The following WWOX variants were observed in gnomAD, a reference collection of about 807,000 sequenced individuals.
WWOX encodes the protein WW domain-containing oxidoreductase.
Under a neutral mutation model 46.2 loss-of-function variants are expected in WWOX, and 69 were observed. The observed-to-expected ratio is 1.49, with a 90% CI of 1.23 to 1.82. WWOX has a LOEUF of 1.82. Ranked by LOEUF, WWOX falls within the 40% of genes most tolerant of loss-of-function variation. The pLI, the probability that WWOX is intolerant of heterozygous loss-of-function variation, is 0.00. For synonymous variants in WWOX, 359 were observed against 202.6 expected (o/e 1.77, Z -6.56); for missense variants, 919 against 542.6 (o/e 1.69, Z -6.89).
chr16:79,027,350 T>C (rs767781008), intron 8 of WWOX, among the ~76,000 whole-genome samples: 2 of 151,602 alleles, frequency 1.3e-5, no homozygotes, highest in Non-Finnish European at 2.9e-5. Flanking sequence ...GCAGAACTTT[T>C]CATTGCAAAA....
intron 8 of WWOX, among the ~76,000 whole-genome samples, chr16:79,201,681 C>T (rs1047746180): frequency 6.6e-6 from 1 of 152,126 alleles, no homozygotes; most frequent in African/African-American, 2.4e-5. Flanking sequence ...AGGTAATAGC[C>T]TCCTTCCTCT....
chr16:78,624,739 C>T (rs773384789), intron 8 of WWOX, among the ~76,000 whole-genome samples: 6 of 152,180 alleles, frequency 3.9e-5, no homozygotes, highest in Admixed American at 1.3e-4. Context: ...TGGAATTCTC[C>T]AGCACCCTGG....
intron 8 of WWOX, among the ~76,000 whole-genome samples, chr16:78,490,578 G>C (rs898075813): frequency 1.3e-5 from 2 of 152,186 alleles, no homozygotes; most frequent in African/African-American, 4.8e-5. Context: ...GGAGAAAGAA[G>C]ACAGGGCATT....
At chr16:79,006,084 G>C (rs996996008) in intron 8 of WWOX, among the ~76,000 whole-genome samples, 1 of 152,158 alleles carries the variant, frequency 6.6e-6, no homozygotes, top group African/African-American at 2.4e-5. Flanking sequence ...TGGTCACTGC[G>C]CTAGGGAAGT....
At chr16:79,039,162 A>G (rs562173321) in intron 8 of WWOX, among the ~76,000 whole-genome samples, 4 of 152,270 alleles carry the variant, frequency 2.6e-5, no homozygotes, top group African/African-American at 7.2e-5. Flanking sequence ...TTCTTTTTGC[A>G]GGTGATGCTC....
chr16:79,019,304 T>C (rs1401789370), intron 8 of WWOX, among the ~76,000 whole-genome samples: 1 of 151,666 alleles, frequency 6.6e-6, no homozygotes, highest in Non-Finnish European at 1.5e-5. Context: ...GGAGTGCACG[T>C]ACACAAACCT....
At chr16:79,088,360 A>C (rs950184198) in intron 8 of WWOX, among the ~76,000 whole-genome samples, 14 of 152,284 alleles carry the variant, frequency 9.2e-5, no homozygotes, top group Admixed American at 6.5e-4. Context: ...GGAATTTTGC[A>C]GCTGGAGTTG....
At chr16:78,394,787 C>A (rs1360338699) in intron 6 of WWOX, among the ~76,000 whole-genome samples, 1 of 152,142 alleles carries the variant, frequency 6.6e-6, no homozygotes, top group East Asian at 1.9e-4. Flanking sequence ...GACAATGGGC[C>A]AGATTGGCCA....
intron 8 of WWOX, among the ~76,000 whole-genome samples, chr16:79,099,207 A>G (rs1171221559): frequency 2.6e-5 from 4 of 152,174 alleles, no homozygotes; most frequent in Admixed American, 6.5e-5. Flanking sequence ...ATCCGTCCCC[A>G]TGACCCAAAC....
intron 8 of WWOX, among the ~76,000 whole-genome samples, chr16:78,564,429 G>A (rs747337085): frequency 3.9e-5 from 6 of 152,088 alleles, no homozygotes; most frequent in Admixed American, 1.3e-4. Flanking sequence ...TTCATCCAGG[G>A]TTATATGCTA....
chr16:78,928,444 T>C lies in WWOX; in HGVS notation c.1057-283164T>C, dbSNP rs565623463. On this transcript the variant is annotated intron_variant, in intron 8 of 8. Coordinates refer to ENST00000566780, the MANE Select transcript of WWOX (RefSeq NM_016373.4). ...GTCTCGATCTCCTGACCTCGTGATC[T>C]GCCCGCCTCGGCCTCCCAAAGTGCT... Among the ~76,000 whole-genome samples, 82 of 152,134 alleles carry C rather than the reference T, an allele frequency of 5.4e-4. 1 individual carries two copies. The highest frequency in any genetic ancestry group is 3.4e-3 in the Middle Eastern group (1 of 292).
intron 8 of WWOX, among the ~76,000 whole-genome samples, chr16:78,822,088 A>G (rs2051514231): frequency 6.6e-6 from 1 of 152,006 alleles, no homozygotes; most frequent in Admixed American, 6.6e-5. Flanking sequence ...CATTGGCCAG[A>G]CTGACCTAAA....
At chr16:79,118,316 A>G (rs537524515) in intron 8 of WWOX, among the ~76,000 whole-genome samples, 1 of 152,356 alleles carries the variant, frequency 6.6e-6, no homozygotes, top group East Asian at 1.9e-4. Context: ...ACATTTATCA[A>G]TTAAGTTTGC....
chr16:78,961,033 G>A (rs755752209), intron 8 of WWOX, among the ~76,000 whole-genome samples: 10 of 152,098 alleles, frequency 6.6e-5, no homozygotes, highest in African/African-American at 1.4e-4. Flanking sequence ...AAAGTAATCA[G>A]CTCCATACAT....
At chr16:78,522,843 A>G (rs2043379074) in intron 8 of WWOX, among the ~76,000 whole-genome samples, 1 of 152,208 alleles carries the variant, frequency 6.6e-6, no homozygotes. Flanking sequence ...AGGCCAAGGC[A>G]GGTGGATCAC....
intron 5 of WWOX, among the ~76,000 whole-genome samples, chr16:78,180,138 T>C (rs1368722364): frequency 6.6e-6 from 1 of 152,238 alleles, no homozygotes; most frequent in African/African-American, 2.4e-5. Flanking sequence ...AGTCCTTATT[T>C]ACAGTCTATT....
chr16:79,199,659 G>A (rs540319925), intron 8 of WWOX, among the ~76,000 whole-genome samples: 46 of 152,162 alleles, frequency 3.0e-4, no homozygotes, highest in African/African-American at 1.1e-3. Flanking sequence ...AGGTATCCTG[G>A]CCCCTGTATG....
intron 5 of WWOX, among the ~76,000 whole-genome samples, chr16:78,366,009 G>C (rs998563742): frequency 6.6e-6 from 1 of 152,162 alleles, no homozygotes; most frequent in African/African-American, 2.4e-5. Flanking sequence ...TCTTTTCCTA[G>C]ATTCAGGAAA....
intron 8 of WWOX, among the ~76,000 whole-genome samples, chr16:78,665,792 C>G (rs911357642): frequency 1.4e-4 from 21 of 152,252 alleles, no homozygotes; most frequent in African/African-American, 4.8e-4. Flanking sequence ...TCGAGTGATT[C>G]TCCTACCTCA....
Sources: allele counts gnomAD v4.1 joint callset (sites outside exome capture counted in the v4.1 genomes callset), GRCh38; gene constraint gnomAD v4.1.1; transcripts MANE v1.5; gene names NCBI Gene and HGNC (gene_info 2026-07-23, HGNC 2026-07-21).